Variants in CSMD2 observed in about 807,000 individuals in gnomAD.
The protein encoded by CSMD2 is CUB and Sushi multiple domains 2, also known as CUB and sushi domain-containing protein 2.
Under a neutral mutation model 398.5 loss-of-function variants are expected in CSMD2, and 130 were observed. The ratio of observed to expected loss-of-function variants is 0.33; its 90% confidence interval spans 0.28 to 0.38. The LOEUF (loss-of-function observed/expected upper bound fraction) is 0.38, where lower values mean the gene tolerates loss of function less well. Ranked by LOEUF, CSMD2 falls within the 10% of genes least tolerant of loss-of-function variation. The probability of loss-of-function intolerance (pLI) is 1.00; values close to 1 mark genes in which losing one functional copy is unlikely to be tolerated. For synonymous variants in CSMD2, 1,828 were observed against 1,908.5 expected (o/e 0.96, Z 1.10); for missense variants, 3,829 against 4,764.9 (o/e 0.80, Z 5.78).
At chr1:33,674,588 C>A (rs1360679868) in intron 25 of CSMD2, among the ~76,000 whole-genome samples, 1 of 152,220 alleles carries the variant, frequency 6.6e-6, no homozygotes, top group East Asian at 1.9e-4. Context: ...GAATTGAACT[C>A]AGCTCTGCAC....
At chr1:34,123,604 C>CG (rs1039418345) in intron 1 of CSMD2, among the ~76,000 whole-genome samples, 7 of 151,730 alleles carry the variant, frequency 4.6e-5, no homozygotes, top group African/African-American at 1.7e-4. Context: ...GTGTCTGAAG[C>CG]GGGGGGGAGT....
intron 15 of CSMD2, among the ~76,000 whole-genome samples, chr1:33,731,813 C>A (rs1331266039): frequency 6.6e-6 from 1 of 152,100 alleles, no homozygotes; most frequent in Non-Finnish European, 1.5e-5. Flanking sequence ...AAAATGATAG[C>A]AATGTGGTTA....
intron 5 of CSMD2, among the ~76,000 whole-genome samples, chr1:33,917,609 C>A (rs899364859): frequency 6.6e-6 from 1 of 152,318 alleles, no homozygotes; most frequent in African/African-American, 2.4e-5. Context: ...GTAAGTCCTA[C>A]CCTTCAGACA....
At chr1:33,940,439 C>T (rs980992184) in intron 3 of CSMD2, among the ~76,000 whole-genome samples, 5 of 151,982 alleles carry the variant, frequency 3.3e-5, no homozygotes, top group African/African-American at 1.2e-4. Flanking sequence ...ATACCTACCC[C>T]TGAGTGCCTA....
intron 3 of CSMD2, among the ~76,000 whole-genome samples, chr1:33,961,340 T>C (rs1645351554): frequency 6.6e-6 from 1 of 152,220 alleles, no homozygotes; most frequent in Admixed American, 6.5e-5. Context: ...AAAATCCCAT[T>C]AGGCCTGTGT....
intron 1 of CSMD2, among the ~76,000 whole-genome samples, chr1:34,107,687 C>T (rs1198695237): frequency 6.6e-6 from 1 of 152,176 alleles, no homozygotes; most frequent in Non-Finnish European, 1.5e-5. Flanking sequence ...CTCCTTTCTA[C>T]AGCACTCTCA....
At chr1:33,898,527 T>C (rs1453415843) in intron 5 of CSMD2, among the ~76,000 whole-genome samples, 3 of 152,328 alleles carry the variant, frequency 2.0e-5, no homozygotes, top group Admixed American at 6.5e-5. Flanking sequence ...ACTTTTACAC[T>C]GGTGTTATCT....
rs115598938 is a variant in CSMD2, at chr1:34,118,710, C to T, written c.188-29517G>A. Among the ~76,000 whole-genome samples, 237 of 152,190 alleles carry T rather than the reference C, an allele frequency of 1.6e-3. 1 individual carries two copies. Among genetic ancestry groups the T allele is most frequent in the Non-Finnish European group, 2.1e-3 (141 of 67,998 alleles). Reference sequence around the variant, plus strand: ...AAAAGGAATAAAATACTTAGAAATACGCTTTACTGAGGAGGCAAAAGACTT... The same window carrying T: ...AAAAGGAATAAAATACTTAGAAATATGCTTTACTGAGGAGGCAAAAGACTT... On this transcript the variant is annotated intron_variant, in intron 1 of 70. Transcript: ENST00000373381.
rs1642718885 is a variant in CSMD2, at chr1:33,635,112, A to G, written c.5086+102T>C. On this transcript the variant is annotated intron_variant, in intron 31 of 70. Transcript: ENST00000373381. The surrounding 1 kb of genome is among the most constrained non-coding windows in gnomAD (Gnocchi z 5.0). The stretch of plus-strand genomic sequence containing the variant: ...GGGGAGACTGTTCTGCGATTCCCAC[A>G]ATGGGGCTGTATATAATTGGGAGGC... 1.4e-5 allele frequency: 10 copies of G among 715,182 alleles called. No individual in the cohort carries two copies. The highest frequency in any genetic ancestry group is 2.2e-5 in the Non-Finnish European group (9 of 403,772). The allele number at this position is 715,182 out of a possible 1,614,324, so 44.3% of individuals were successfully genotyped here.
At chr1:33,759,320 TTTTC>T (rs55664845) in intron 13 of CSMD2, among the ~76,000 whole-genome samples, 1 of 136,468 alleles carries the variant, frequency 7.3e-6, no homozygotes, top group Non-Finnish European at 1.5e-5. Context: ...TTTTCTTTTT[TTTTC>T]TTTTTTTTTT....
intron 24 of CSMD2, among the ~76,000 whole-genome samples, chr1:33,696,956 T>C (rs964636029): frequency 2.6e-5 from 4 of 152,196 alleles, no homozygotes; most frequent in South Asian, 2.1e-4. Flanking sequence ...GACCACAACA[T>C]GACATATACA....
At chr1:34,030,751 G>T (rs1357292345) in intron 3 of CSMD2, among the ~76,000 whole-genome samples, 1 of 152,184 alleles carries the variant, frequency 6.6e-6, no homozygotes, top group Non-Finnish European at 1.5e-5. Context: ...GGGCCTCAAA[G>T]ATCGACCAGG....
chr1:33,957,961 G>A (rs894369379), intron 3 of CSMD2, among the ~76,000 whole-genome samples: 6 of 151,450 alleles, frequency 4.0e-5, no homozygotes, highest in Non-Finnish European at 5.9e-5. Flanking sequence ...GTGTGTGCAC[G>A]CACGCATGTG....
chr1:34,094,722 A>T (rs1199184320), intron 1 of CSMD2, among the ~76,000 whole-genome samples: 1 of 152,246 alleles, frequency 6.6e-6, no homozygotes, highest in Non-Finnish European at 1.5e-5. Flanking sequence ...TCCTAAACAT[A>T]TATGCACCCA....
At chr1:33,811,839 T>C (rs2124965874) in intron 9 of CSMD2, among the ~76,000 whole-genome samples, 1 of 152,378 alleles carries the variant, frequency 6.6e-6, no homozygotes, top group South Asian at 2.1e-4. Flanking sequence ...TAAGAGCCTG[T>C]TCTCATGCTG....
intron 3 of CSMD2, among the ~76,000 whole-genome samples, chr1:34,002,274 C>T (rs1389457583): frequency 6.6e-6 from 1 of 152,172 alleles, no homozygotes; most frequent in Non-Finnish European, 1.5e-5. Flanking sequence ...TATATTCTTA[C>T]TGTATTGCTT....
chr1:33,809,277 A>G (rs551155392), intron 10 of CSMD2, among the ~76,000 whole-genome samples: 1 of 56,396 alleles, frequency 1.8e-5, no homozygotes, highest in Admixed American at 2.2e-4. Flanking sequence ...ACAAATTACT[A>G]AACAATATAT....
intron 22 of CSMD2, among the ~76,000 whole-genome samples, chr1:33,701,467 G>T (rs1037485874): frequency 3.9e-5 from 6 of 152,242 alleles, no homozygotes; most frequent in African/African-American, 1.4e-4. Context: ...AGTTGTGATT[G>T]AGTGAAAGAC....
intron 4 of CSMD2, among the ~76,000 whole-genome samples, chr1:33,926,912 G>A (rs1031237584): frequency 1.3e-5 from 2 of 152,302 alleles, no homozygotes; most frequent in Middle Eastern, 3.4e-3. Context: ...TTTCAGGCAG[G>A]AAATGGAGAA....
Sources: allele counts gnomAD v4.1 joint callset (sites outside exome capture counted in the v4.1 genomes callset), GRCh38; gene constraint gnomAD v4.1.1; non-coding constraint Gnocchi (gnomAD v3.1); transcripts MANE v1.5; gene names NCBI Gene and HGNC (gene_info 2026-07-23, HGNC 2026-07-21).